Variants in RTTN observed in about 807,000 individuals in gnomAD.
RTTN encodes the protein rotatin.
RTTN carries 182 observed loss-of-function variants against 269.2 expected under a neutral mutation model. That is an observed-to-expected ratio of 0.68 (90% CI 0.60 to 0.76). The LOEUF (loss-of-function observed/expected upper bound fraction) is 0.76. Among genes scored for constraint, RTTN ranks in the 30% least tolerant of loss-of-function variants. The pLI is 0.00. For missense variants in RTTN, 2,545 were observed against 2,608.6 expected (o/e 0.98, Z 0.53); for synonymous variants, 1,006 against 963.5 (o/e 1.04, Z -0.82).
chr18:70,097,658 A>G (rs970491001), intron 28 of RTTN, among the ~76,000 whole-genome samples: 1 of 152,254 alleles, frequency 6.6e-6, no homozygotes, highest in East Asian at 1.9e-4. Context: ...GAAACATTAC[A>G]TAACAGGGAC....
chr18:70,097,546 A>C (rs2059034597), intron 28 of RTTN, among the ~76,000 whole-genome samples: 1 of 152,272 alleles, frequency 6.6e-6, no homozygotes, highest in Non-Finnish European at 1.5e-5. Flanking sequence ...GCCATTTAAC[A>C]TAAAGTCATA....
At chr18:70,006,532 T>C (rs199979638) in intron 46 of RTTN, 48 bp from the exon 47 acceptor site, 5 of 1,381,842 alleles carry the variant, frequency 3.6e-6, no homozygotes, top group Admixed American at 1.7e-5. Context: ...AGACACTGCA[T>C]TGTATTCTTA....
At chr18:70,161,811 A>C (rs749375328) in intron 14 of RTTN, among the ~76,000 whole-genome samples, 1 of 152,214 alleles carries the variant, frequency 6.6e-6, no homozygotes, top group Non-Finnish European at 1.5e-5. Context: ...ATCTCATACC[A>C]GTCAGAATGG....
intron 34 of RTTN, among the ~76,000 whole-genome samples, chr18:70,067,149 C>T (rs1394879287): frequency 4.9e-5 from 7 of 143,054 alleles, no homozygotes; most frequent in Admixed American, 4.7e-4. Context: ...GTAAAAATAA[C>T]CTAAAGCTTG....
At chr18:70,128,631 C>A in intron 23 of RTTN, 85 bp from the exon 24 acceptor site, 1 of 1,025,184 alleles carries the variant, frequency 9.8e-7, no homozygotes, top group Non-Finnish European at 1.5e-6. Flanking sequence ...AGGGCTAGTT[C>A]AATGCCTCCC....
intron 37 of RTTN, among the ~76,000 whole-genome samples, chr18:70,057,190 A>C (rs1369709801): frequency 6.6e-6 from 1 of 152,246 alleles, no homozygotes; most frequent in Admixed American, 6.5e-5. Context: ...CCTTCTTAAA[A>C]TTTGATTTTG....
chr18:70,039,212 G>T (rs2057266433), intron 40 of RTTN, among the ~76,000 whole-genome samples: 1 of 151,940 alleles, frequency 6.6e-6, no homozygotes, highest in Non-Finnish European at 1.5e-5. Context: ...GTACAAGAAG[G>T]TTAGAGACCA....
At chr18:70,070,264 C>T (rs1054803100) in intron 34 of RTTN, among the ~76,000 whole-genome samples, 3 of 152,234 alleles carry the variant, frequency 2.0e-5, no homozygotes, top group Non-Finnish European at 4.4e-5. Context: ...GTATTTTCCT[C>T]CTAACTAAAT....
intron 38 of RTTN, among the ~76,000 whole-genome samples, chr18:70,052,926 T>C (rs953992048): frequency 1.3e-5 from 2 of 152,188 alleles, no homozygotes; most frequent in Admixed American, 1.3e-4. Context: ...AAACAACTTT[T>C]ATGTAATTAA....
At chr18:70,098,130 C>T (rs187935266) in intron 28 of RTTN, among the ~76,000 whole-genome samples, 67 of 152,042 alleles carry the variant, frequency 4.4e-4, no homozygotes, top group African/African-American at 1.4e-3. Context: ...TCACGGGTAA[C>T]GTGAATGTTT....
chr18:70,181,746 T>C (rs944866897), intron 10 of RTTN, among the ~76,000 whole-genome samples: 3 of 152,182 alleles, frequency 2.0e-5, no homozygotes, highest in South Asian at 2.1e-4. Flanking sequence ...GTATGAACAT[T>C]AAGAAATTTT....
At chr18:70,154,938 A>G (rs2060635016) in intron 14 of RTTN, among the ~76,000 whole-genome samples, 5 of 152,294 alleles carry the variant, frequency 3.3e-5, no homozygotes, top group South Asian at 4.1e-4. Context: ...ATATCTACTC[A>G]TATTAGTCAT....
chr18:70,006,560 A>G, intron 46 of RTTN, 76 bp from the exon 47 acceptor site: 1 of 1,095,124 alleles, frequency 9.1e-7, no homozygotes, highest in Middle Eastern at 2.0e-4. Context: ...CTAGTCAGAC[A>G]CCCCCCTCTT....
At chr18:70,119,595 C>T (rs2059685625) in intron 26 of RTTN, among the ~76,000 whole-genome samples, 1 of 151,930 alleles carries the variant, frequency 6.6e-6, no homozygotes, top group African/African-American at 2.4e-5. Context: ...ATGAAAAGAC[C>T]GAATATGAAA....
chr18:70,006,622 C>G (rs1373110274), intron 46 of RTTN, 138 bp from the exon 47 acceptor site: 1 of 663,158 alleles, frequency 1.5e-6, no homozygotes, highest in Non-Finnish European at 2.7e-6. Flanking sequence ...ATGGCAAAAC[C>G]AATCTTTTAT....
chr18:70,205,242 G>A lies in RTTN; in HGVS notation c.105C>T (p.Cys35=). 6.2e-7 allele frequency: 1 copy of A among 1,614,170 alleles called. No homozygotes were observed. Reference sequence around the variant, plus strand: ...GCCTCTCCTGAATGAGATCAGCGTAGCAGATTAAGTTGTGCTCAATCTTGC... The same window carrying A: ...GCCTCTCCTGAATGAGATCAGCGTAACAGATTAAGTTGTGCTCAATCTTGC... ...ILCKIEHNLI[C]YADLIQERQL... The change falls in exon 2 of 49, where the codon TGC becomes TGT. Residue 35 remains cysteine, a synonymous_variant. Transcript: ENST00000640769.
chr18:70,051,661 CTTATCA>C, intron 38 of RTTN, 113 bp from the exon 39 acceptor site: 1 of 663,074 alleles, frequency 1.5e-6, no homozygotes, highest in Non-Finnish European at 2.3e-6. Context: ...GGGGTGTGCA[CTTATCA>C]AATGAAGACA....
intron 32 of RTTN, among the ~76,000 whole-genome samples, chr18:70,081,333 T>TAAAAC (rs1178313093): frequency 2.6e-5 from 4 of 151,592 alleles, no homozygotes; most frequent in Non-Finnish European, 5.9e-5. Context: ...GAAAAAAAAG[T>TAAAAC]AAAACAAAAC....
At chr18:70,044,783 G>T (rs1045820381) in intron 40 of RTTN, among the ~76,000 whole-genome samples, 1 of 152,078 alleles carries the variant, frequency 6.6e-6, no homozygotes, top group Non-Finnish European at 1.5e-5. Flanking sequence ...ATGCAGCATG[G>T]GTAAGCTAGA....
Sources: gnomAD v4.1 joint callset for allele counts (sites outside exome capture counted in the v4.1 genomes callset) on GRCh38, gnomAD v4.1.1 for gene constraint, MANE v1.5 for transcripts, NCBI Gene and HGNC (gene_info 2026-07-23, HGNC 2026-07-21) for gene names.